APP: variants seen among roughly 807,000 people sequenced by gnomAD.
The protein encoded by APP is amyloid beta precursor protein.
In APP, 31 loss-of-function variants were observed where a neutral mutation model predicts 101.4. The ratio of observed to expected loss-of-function variants is 0.31; its 90% CI spans 0.23 to 0.41. The LOEUF is 0.41. Among genes scored for constraint, APP ranks in the 10% least tolerant of loss-of-function variants. APP has a pLI of 1.00. For synonymous variants in APP, 366 were observed against 364.4 expected, an observed-to-expected ratio of 1.00 and a Z score of -0.05; for missense variants, 839 against 1,003.7, an observed-to-expected ratio of 0.84 and a Z score of 2.22.
At chr21:26,164,562 G>A (rs764699333) in intron 1 of APP, among the ~76,000 whole-genome samples, 2 of 152,126 alleles carry the variant, frequency 1.3e-5, no homozygotes, top group Non-Finnish European at 2.9e-5. Flanking sequence ...CTCAATATTA[G>A]ACATCTGTGG....
rs60231150 is a variant in APP, at chr21:25,900,378, CAAAAAAAAAAAAAA to C, written c.1964-2719_1964-2706del. ...TGAAACCCTGTCTCTACTAAAAATA[CAAAAAAAAAAAAAA>C]AAAAAAAAAAAAAAAAATTAGCCAG... On this transcript the variant is annotated intron_variant, in intron 15 of 17. Transcript: ENST00000346798. 7.1e-3 allele frequency among the ~76,000 whole-genome samples: 422 copies of C among 59,496 alleles called. 6 individuals are homozygous for C. In the East Asian group the frequency reaches 0.072, roughly 10 times the overall value. 39.0% of individuals were successfully genotyped at this position (59,496 alleles called of 152,430 possible).
chr21:26,116,415 T>C (rs1411388195), intron 1 of APP, among the ~76,000 whole-genome samples: 1 of 152,230 alleles, frequency 6.6e-6, no homozygotes, highest in East Asian at 1.9e-4. Flanking sequence ...ATACCTAATC[T>C]GGACCAGTCT....
intron 6 of APP, among the ~76,000 whole-genome samples, chr21:26,001,441 A>G (rs957410474): frequency 6.6e-6 from 1 of 152,174 alleles, no homozygotes; most frequent in African/African-American, 2.4e-5. Context: ...CTGACAGAGG[A>G]AAAAACACCT....
At chr21:26,148,922 A>G (rs766381967) in intron 1 of APP, among the ~76,000 whole-genome samples, 1 of 152,222 alleles carries the variant, frequency 6.6e-6, no homozygotes, top group Non-Finnish European at 1.5e-5. Flanking sequence ...TAGTAAATTG[A>G]AAGAGTTGTG....
chr21:26,007,396 A>T (rs1037084474), intron 6 of APP, among the ~76,000 whole-genome samples: 42 of 147,398 alleles, frequency 2.8e-4, no homozygotes, highest in African/African-American at 1.0e-3. Flanking sequence ...TATATTATAT[A>T]AAAACTTTAT....
intron 3 of APP, among the ~76,000 whole-genome samples, chr21:26,054,620 GTTTTTTTT>G (rs369608335): frequency 5.6e-5 from 6 of 107,994 alleles, no homozygotes; most frequent in Non-Finnish European, 1.1e-4. Context: ...TAGGCCAAAA[GTTTTTTTT>G]TTTTTTTTTT....
intron 5 of APP, among the ~76,000 whole-genome samples, chr21:26,024,490 G>A (rs1012096268): frequency 5.3e-5 from 8 of 152,264 alleles, no homozygotes; most frequent in Non-Finnish European, 8.8e-5. Flanking sequence ...TTCCAAACAC[G>A]TGAGACAAGC....
chr21:26,131,116 C>A (rs1360246523), intron 1 of APP, among the ~76,000 whole-genome samples: 1 of 152,056 alleles, frequency 6.6e-6, no homozygotes, highest in African/African-American at 2.4e-5. Context: ...GTAATCCCAG[C>A]TACTCAGGAG....
At chr21:25,903,323 C>T (rs907756510) in intron 15 of APP, among the ~76,000 whole-genome samples, 8 of 146,514 alleles carry the variant, frequency 5.5e-5, no homozygotes, top group Non-Finnish European at 1.0e-4. Flanking sequence ...GAGTTGAGAT[C>T]GTGCCACTCC....
intron 13 of APP, among the ~76,000 whole-genome samples, chr21:25,927,214 G>C (rs1039530221): frequency 6.6e-6 from 1 of 152,110 alleles, no homozygotes; most frequent in African/African-American, 2.4e-5. Flanking sequence ...CCCTCTTCTA[G>C]CTAAGTGAGG....
At chr21:26,010,681 C>T (rs572363694) in intron 6 of APP, among the ~76,000 whole-genome samples, 1 of 151,634 alleles carries the variant, frequency 6.6e-6, no homozygotes, top group African/African-American at 2.4e-5. Context: ...ATTAGCCGGG[C>T]GCAGTGGCAG....
intron 17 of APP, among the ~76,000 whole-genome samples, 160 bp downstream of exon 17, chr21:25,891,562 G>GAAAACC (rs1391748671): frequency 1.3e-5 from 2 of 152,168 alleles, no homozygotes; most frequent in Non-Finnish European, 2.9e-5. Flanking sequence ...TGCAATGAAT[G>GAAAACC]AAAACCAAAA....
Position 26,000,068 on chromosome 21 carries a change from T to C in APP, c.980A>G (p.Asn327Ser). 1 of 1,614,164 alleles carries C rather than the reference T, an allele frequency of 6.2e-7. No individual in the cohort carries two copies. Among genetic ancestry groups the C allele is most frequent in the Non-Finnish European group, 8.5e-7 (1 of 1,180,014 alleles). ...APFFYGGCGG[N>S]RNNFDTEEYC... is the part of the protein sequence containing the mutation. ...CTCTTCTGTGTCAAAGTTGTTCCGG[T>C]TGCCGCCACATCCGCCGTAAAAGAA... The change falls in exon 7 of 18, where the codon AAC (asparagine) becomes AGC (serine). Residue 327 changes from asparagine (N) to serine (S), a missense_variant. Coordinates refer to ENST00000346798, the MANE Select transcript of APP (RefSeq NM_000484.4).
chr21:26,084,469 G>C (rs1689444167), intron 3 of APP, among the ~76,000 whole-genome samples: 1 of 152,112 alleles, frequency 6.6e-6, no homozygotes, highest in African/African-American at 2.4e-5. Context: ...TCAATCTCCT[G>C]ACCTTGCGAT....
chr21:25,997,641 G>A (rs890667451), intron 7 of APP, among the ~76,000 whole-genome samples: 9 of 152,148 alleles, frequency 5.9e-5, no homozygotes, highest in African/African-American at 2.2e-4. Context: ...TAGTATATCC[G>A]AGTAACAACA....
intron 1 of APP, among the ~76,000 whole-genome samples, chr21:26,116,934 T>G (rs2062448493): frequency 6.6e-6 from 1 of 152,110 alleles, no homozygotes; most frequent in Non-Finnish European, 1.5e-5. Flanking sequence ...CAGACTAGAG[T>G]GCAGTGGCAT....
At chr21:26,017,267 C>G (rs1298870397) in intron 6 of APP, among the ~76,000 whole-genome samples, 1 of 148,320 alleles carries the variant, frequency 6.7e-6, no homozygotes, top group African/African-American at 2.5e-5. Context: ...AAAATTTCCA[C>G]CACACAGCAT....
intron 3 of APP, among the ~76,000 whole-genome samples, chr21:26,059,717 C>T (rs533683049): frequency 8.3e-4 from 126 of 151,828 alleles, no homozygotes; most frequent in African/African-American, 2.8e-3. Context: ...GGTGAAACCC[C>T]GTCTCTACTA....
At position 25,894,971 on chromosome 21, in the gene APP, C is replaced by G. The variant is rs561765020; in HGVS notation, c.2064+2602G>C. Among the ~76,000 whole-genome samples the G allele has an allele frequency of 3.3e-5, 5 of 152,258 alleles. No homozygotes were observed. In the East Asian group the frequency reaches 9.6e-4, roughly 29 times the overall value. ...CCACCACAAACCTCAGCAGCCACCA[C>G]CTGGATTAGCCTGCAGCAGTGAACA... On this transcript the variant is annotated intron_variant, in intron 16 of 17. Transcript: ENST00000346798.
Sources: gnomAD v4.1 joint callset for allele counts (sites outside exome capture counted in the v4.1 genomes callset) on GRCh38, gnomAD v4.1.1 for gene constraint, MANE v1.5 for transcripts, NCBI Gene and HGNC (gene_info 2026-07-23, HGNC 2026-07-21) for gene names.